DMXL1: variants seen among roughly 807,000 people sequenced by gnomAD.
DMXL1 encodes dmX-like protein 1.
A neutral mutation model predicts 319.2 loss-of-function variants in DMXL1; 99 were observed. The observed-to-expected ratio is 0.31, with a 90% CI of 0.26 to 0.37. The LOEUF is 0.37. DMXL1 is among the 10% of genes least tolerant of loss of function. DMXL1 has a pLI of 1.00. For synonymous variants in DMXL1, 1,385 were observed against 1,235.2 expected (o/e 1.12, Z -2.54); for missense variants, 3,745 against 3,595.6 (o/e 1.04, Z -1.06).
At chr5:119,079,077 A>G (rs886933687) in intron 1 of DMXL1, among the ~76,000 whole-genome samples, 2 of 152,146 alleles carry the variant, frequency 1.3e-5, no homozygotes, top group Non-Finnish European at 2.9e-5. Flanking sequence ...TGGAAAATAA[A>G]GTCATGTTTG....
At chr5:119,217,065 A>G (rs1783821662) in intron 35 of DMXL1, 78 bp downstream of exon 35, 1 of 842,308 alleles carries the variant, frequency 1.2e-6, no homozygotes, top group Admixed American at 2.9e-5. Context: ...CAGTTTATCC[A>G]GTATTTCTTT....
chr5:119,168,135 A>G (rs1329690496), intron 23 of DMXL1, among the ~76,000 whole-genome samples: 1 of 152,252 alleles, frequency 6.6e-6, no homozygotes, highest in African/African-American at 2.4e-5. Flanking sequence ...TTGAAGAAAT[A>G]CTGTTATAAA....
intron 19 of DMXL1, among the ~76,000 whole-genome samples, chr5:119,160,054 T>C (rs1468947145): frequency 6.6e-6 from 1 of 152,174 alleles, no homozygotes; most frequent in Non-Finnish European, 1.5e-5. Context: ...CTGATTTTCA[T>C]TTCCTTTCTT....
At chr5:119,151,611 G>C (rs1769816777) in intron 18 of DMXL1, among the ~76,000 whole-genome samples, 1 of 152,068 alleles carries the variant, frequency 6.6e-6, no homozygotes, top group Admixed American at 6.5e-5. Context: ...ATTGGTTAAA[G>C]ATAATACTGT....
At position 119,149,534 on chromosome 5, in the gene DMXL1, A is replaced by T; in HGVS notation, c.3707A>T (p.His1236Leu). The change falls in exon 18 of 44, where the codon CAT becomes CTT. Residue 1236 changes from histidine to leucine, a missense_variant. Around this residue, in one of 4 missense-constraint regions of DMXL1, gnomAD observed 2,096 missense variants for 1,985.4 expected, o/e 1.06. Transcript: ENST00000539542. ...GTGGTAGGAATGGACTGTGAAATGC[A>T]TGTGTATTGCCAATGGCAACCATCT... ...ILVVGMDCEM[H>L]VYCQWQPSSK... is the part of the protein sequence containing the mutation. 1 of 1,613,936 alleles carries T rather than the reference A, an allele frequency of 6.2e-7. No homozygotes were observed. The highest frequency in any genetic ancestry group is 8.5e-7 in the Non-Finnish European group (1 of 1,179,916).
At position 119,105,392 on chromosome 5, in the gene DMXL1, C is replaced by T. The variant is rs1334483845; in HGVS notation, c.364+134C>T. On this transcript the variant is annotated intron_variant, in intron 4 of 43. Coordinates refer to ENST00000539542, the MANE Select transcript of DMXL1 (RefSeq NM_001290321.3). ...TACCAAAGAAGTAAAATGGATTATG[C>T]CCTTTTAGAGTTTATACTGAAATGA... is the stretch of plus-strand genomic sequence containing the variant. 9 of 652,622 alleles carry T rather than the reference C, an allele frequency of 1.4e-5. No homozygotes were observed. The East Asian group carries it at 2.3e-4, about 16-fold the overall frequency. The allele number at this position is 652,622 out of a possible 1,614,324, so 40.4% of individuals were successfully genotyped here.
intron 25 of DMXL1, among the ~76,000 whole-genome samples, chr5:119,173,795 T>TATATATATATATATATATATAA: frequency 7.7e-6 from 1 of 130,212 alleles, no homozygotes; most frequent in African/African-American, 2.8e-5. Flanking sequence ...TATATATATA[T>TATATATATATATATATATATAA]ATAATGAGAG....
chr5:119,209,208 T>C (rs1305489621), intron 34 of DMXL1, among the ~76,000 whole-genome samples: 2 of 152,258 alleles, frequency 1.3e-5, no homozygotes, highest in African/African-American at 4.8e-5. Context: ...TTCATTTCTC[T>C]TGTGTAAATG....
Position 119,118,832 on chromosome 5 carries a change from T to G in DMXL1, c.761T>G (p.Val254Gly). Residue 254 changes from valine to glycine, a missense_variant, in exon 8 of 44, where the codon GTA becomes GGA. Coordinates refer to ENST00000539542, the MANE Select transcript of DMXL1 (RefSeq NM_001290321.3). The stretch of plus-strand genomic sequence containing the variant: ...TTCCTTAGGGCTTCTGTATGTAATG[T>G]ACTGTTGACTTGCTGCAAAGATAAT... ...KYMPRASVCN[V>G]LLTCCKDNVC... 6.2e-7 allele frequency: 1 copy of G among 1,612,712 alleles called. No homozygotes were observed. Among genetic ancestry groups the G allele is most frequent in the Non-Finnish European group, 8.5e-7 (1 of 1,179,596 alleles).
At position 119,071,391 on chromosome 5, in the gene DMXL1, C is replaced by A. The variant is rs957930259; in HGVS notation, c.-179C>A. The A allele has an allele frequency of 8.5e-5, 51 of 598,744 alleles. No homozygotes were observed. The highest frequency in any genetic ancestry group is 4.5e-4 in the Middle Eastern group (1 of 2,230). The allele number at this position is 598,744 out of a possible 1,614,324, so 37.1% of individuals were successfully genotyped here. On this transcript the variant is annotated 5_prime_UTR_variant, in exon 1 of 44. Coordinates refer to ENST00000539542, the MANE Select transcript of DMXL1 (RefSeq NM_001290321.3). ...CCCGCCCCCTCCGGGCCTCGCCCTC[C>A]GGGGCTCGGGATGAGTCGCGGGCCC...
At chr5:119,205,843 C>CT (rs1300131043) in intron 33 of DMXL1, among the ~76,000 whole-genome samples, 3 of 152,024 alleles carry the variant, frequency 2.0e-5, no homozygotes, top group African/African-American at 7.2e-5. Context: ...CCTTCCATCT[C>CT]TTATTTTTCT....
intron 1 of DMXL1, among the ~76,000 whole-genome samples, chr5:119,097,496 T>A (rs960126161): frequency 2.0e-5 from 3 of 152,020 alleles, no homozygotes; most frequent in Non-Finnish European, 2.9e-5. Flanking sequence ...GACGGGTGGA[T>A]CACGAGGTCA....
At position 119,248,379 on chromosome 5, in the gene DMXL1, A is replaced by G. The variant is rs554038952; in HGVS notation, c.*1160A>G. 9.8e-5 allele frequency: 15 copies of G among 152,606 alleles called. No homozygotes were observed. The East Asian group carries it at 1.4e-3, about 14-fold the overall frequency. 9.5% of individuals were successfully genotyped at this position (152,606 alleles called of 1,614,324 possible). A position where few individuals can be genotyped will look rare whatever the true frequency, so the allele number is the denominator to read the frequency against. On this transcript the variant is annotated 3_prime_UTR_variant, in exon 44 of 44. Coordinates refer to ENST00000539542, the MANE Select transcript of DMXL1 (RefSeq NM_001290321.3). ...ATGACCAAAATATTTAAAATGCACA[A>G]TGCTTTTAACTTAAATGTGCTAACC...
intron 19 of DMXL1, among the ~76,000 whole-genome samples, chr5:119,159,523 T>C (rs1181848541): frequency 3.9e-5 from 6 of 152,264 alleles, no homozygotes; most frequent in African/African-American, 9.6e-5. Context: ...TTCTTCTGGG[T>C]TATCCAATTT....
rs1214061714 is a variant in DMXL1 at position 119,149,210 on chromosome 5, G to C, written c.3383G>C (p.Ser1128Thr). Residue 1128 changes from serine to threonine, a missense_variant, in exon 18 of 44, where the codon AGT becomes ACT. By Grantham distance (58) the Ser-to-Thr change is moderately conservative. This residue lies in a region of DMXL1 where 2,096 missense variants were observed against 1,985.4 expected (regional missense o/e 1.06). Coordinates refer to ENST00000539542, the MANE Select transcript of DMXL1 (RefSeq NM_001290321.3). ...AYNKQDMYLS[S>T]KENITSNTKH... ...AATAAACAAGACATGTATTTATCTA[G>C]TAAAGAGAATATCACATCAAACACA... 2 of 1,613,854 alleles carry C rather than the reference G, an allele frequency of 1.2e-6. No homozygotes were observed. The highest frequency in any genetic ancestry group is 1.7e-6 in the Non-Finnish European group (2 of 1,179,854).
intron 35 of DMXL1, among the ~76,000 whole-genome samples, chr5:119,217,733 A>G (rs56777416): frequency 0.027 from 4,109 of 152,268 alleles, 213 homozygotes; most frequent in African/African-American, 0.094. Flanking sequence ...AATGTTATGT[A>G]GATACATACC....
intron 1 of DMXL1, among the ~76,000 whole-genome samples, chr5:119,081,350 C>T (rs779941311): frequency 1.3e-5 from 2 of 152,184 alleles, no homozygotes; most frequent in Non-Finnish European, 2.9e-5. Flanking sequence ...ACAGAAATAG[C>T]ACTCTTCCTT....
chr5:119,241,513 C>T (rs563476493), intron 42 of DMXL1, among the ~76,000 whole-genome samples: 4 of 133,586 alleles, frequency 3.0e-5, no homozygotes, highest in Admixed American at 1.7e-4. Flanking sequence ...CCAGCCTGGG[C>T]GACAGAGCAA....
intron 43 of DMXL1, 64 bp downstream of exon 43, chr5:119,244,640 C>T (rs1014873644): frequency 2.7e-5 from 32 of 1,195,816 alleles, no homozygotes; most frequent in African/African-American, 2.3e-4. Flanking sequence ...GCTCTTTAAT[C>T]GTATTGATGA....
Sources: gnomAD v4.1 joint callset for allele counts (sites outside exome capture counted in the v4.1 genomes callset) on GRCh38, gnomAD v4.1.1 for gene constraint, gnomAD v4.1.1 regional missense constraint, MANE v1.5 for transcripts, NCBI Gene and HGNC (gene_info 2026-07-23, HGNC 2026-07-21) for gene names.